TTN: variants seen among roughly 807,000 people sequenced by gnomAD.
TTN encodes connectin.
Under a neutral mutation model 3,223.0 loss-of-function variants are expected in TTN, and 1,525 were observed. The ratio of observed to expected loss-of-function variants is 0.47; its 90% CI spans 0.45 to 0.49. The LOEUF (loss-of-function observed/expected upper bound fraction) is 0.49, where lower values mean the gene tolerates loss of function less well. Among genes scored for constraint, TTN ranks in the 20% least tolerant of loss-of-function variants. TTN has a pLI of 0.00. For synonymous variants in TTN, 14,094 were observed against 15,161.0 expected (o/e 0.93, Z 5.17); for missense variants, 40,786 against 43,424.0 (o/e 0.94, Z 5.40).
intron 47 of TTN, chr2:178,750,652 A>G: frequency 6.2e-7 from 1 of 1,612,810 alleles, no homozygotes; most frequent in African/African-American, 1.3e-5. Flanking sequence ...TGAATTCATC[A>G]ATTCGTGTAG....
intron 47 of TTN, chr2:178,751,621 T>A (rs745971608): frequency 2.5e-6 from 4 of 1,613,392 alleles, no homozygotes; most frequent in Non-Finnish European, 3.4e-6. Context: ...CAAGCAATGA[T>A]GCAGTTGATT....
At position 178,757,643 on chromosome 2, in the gene TTN, A is replaced by T. The variant is rs727503677; in HGVS notation, c.10577T>A (p.Ile3526Lys). The change falls in exon 45 of 363, where the codon ATA (isoleucine) becomes AAA (lysine). Residue 3526 changes from isoleucine to lysine, a missense_variant. Ile to Lys is a moderately radical substitution (Grantham distance 102). Coordinates refer to ENST00000589042, the MANE Select transcript of TTN (RefSeq NM_001267550.2). The part of the protein sequence containing the change: ...EESTGMALML[I>K]VDAYSEHAGQ... ...AGCATGCTCTGAGTAAGCATCAACTATAAGCATTAAAGCCATGCCTGTGGA... is the reference window on the plus strand; with the variant it reads ...AGCATGCTCTGAGTAAGCATCAACTTTAAGCATTAAAGCCATGCCTGTGGA... The T allele has an allele frequency of 6.2e-7, 1 of 1,613,828 alleles. No individual in the cohort carries two copies. Among genetic ancestry groups the T allele is most frequent in the South Asian group, 1.1e-5 (1 of 91,074 alleles).
chr2:178,764,999 T>C (rs947295614), intron 41 of TTN, among the ~76,000 whole-genome samples, 188 bp from the exon 42 acceptor site: 37 of 152,192 alleles, frequency 2.4e-4, no homozygotes, highest in Non-Finnish European at 5.1e-4. Flanking sequence ...GCACTTGGAA[T>C]TTGTCCACAT....
In TTN at chr2:178,648,554, C is replaced by G. The variant is rs1033583545; in HGVS notation, c.40057+694G>C. 1.9e-4 allele frequency among the ~76,000 whole-genome samples: 29 copies of G among 152,178 alleles called. No homozygotes were observed. The East Asian group carries it at 3.7e-3, about 19-fold the overall frequency. ...CCTCCCAAGTAGCTGGGATTACAGG[C>G]ACATATCACCACCCCCAGCTAATTT... On this transcript the variant is annotated intron_variant, in intron 213 of 362. Coordinates refer to ENST00000589042, the MANE Select transcript of TTN (RefSeq NM_001267550.2).
intron 46 of TTN, among the ~76,000 whole-genome samples, chr2:178,754,801 G>GT (rs1463548064): frequency 1.3e-5 from 2 of 152,144 alleles, no homozygotes; most frequent in Non-Finnish European, 2.9e-5. Flanking sequence ...GTAGGCTACG[G>GT]TGACAGAATG....
At position 178,632,805 on chromosome 2, in the gene TTN, G is replaced by C. The variant is rs1281348608; in HGVS notation, c.43214-13C>G. 6.2e-7 allele frequency: 1 copy of C among 1,612,860 alleles called. No individual in the cohort carries two copies. The highest frequency in any genetic ancestry group is 8.5e-7 in the Non-Finnish European group (1 of 1,179,438). On this transcript the variant is annotated splice_polypyrimidine_tract_variant and intron_variant, in intron 234 of 362. Coordinates refer to ENST00000589042, the MANE Select transcript of TTN (RefSeq NM_001267550.2). ...ATAAGAGGCAATTCTGAAAGAAGTGGACAGTGGATGAAGTCAGAATACGTT... is the reference window on the plus strand; with the variant it reads ...ATAAGAGGCAATTCTGAAAGAAGTGCACAGTGGATGAAGTCAGAATACGTT...
At position 178,675,667 on chromosome 2, in the gene TTN, G is replaced by A. The variant is rs1459953347; in HGVS notation, c.34537+4C>T. On this transcript the variant is annotated splice_donor_region_variant and intron_variant, in intron 149 of 362. Transcript: ENST00000589042. The stretch of plus-strand genomic sequence containing the variant: ...AAACATATCCCTGTTATGGGATGAT[G>A]TACCTTTGGCAGGAGGGGCCACTGC... 2 of 1,414,202 alleles carry A rather than the reference G, an allele frequency of 1.4e-6. No homozygotes were observed. The highest frequency in any genetic ancestry group is 1.7e-5 in the South Asian group (1 of 58,452). The allele number at this position is 1,414,202 out of a possible 1,614,324, so 87.6% of individuals were successfully genotyped here. A position where few individuals can be genotyped will look rare whatever the true frequency, so the allele number is the denominator to read the frequency against.
chr2:178,649,458 C>T, intron 212 of TTN, 96 bp downstream of exon 212: 2 of 1,386,170 alleles, frequency 1.4e-6, no homozygotes, highest in Non-Finnish European at 1.9e-6. Context: ...AATTTTTGTC[C>T]TTAGTTATGC....
chr2:178,653,435 G>A lies in TTN; in HGVS notation c.38699C>T (p.Pro12900Leu), dbSNP rs749512171. 5.1e-6 allele frequency: 8 copies of A among 1,583,996 alleles called. No individual in the cohort carries two copies. The highest frequency in any genetic ancestry group is 6.0e-6 in the Non-Finnish European group (7 of 1,172,584). ...GGTCAAATGACAAGTACCTGTAACA[G>A]GTGGAACTTCTGGCTTTTTAGGAAG... is the stretch of plus-strand genomic sequence containing the variant. The part of the protein sequence containing the change: ...LVLPKKPEVP[P>L]VTVPEAPKEV... The change falls in exon 197 of 363, where the codon CCT (proline) becomes CTT (leucine). Residue 12900 changes from proline (P) to leucine (L), a missense_variant. By Grantham distance (98) the Pro-to-Leu change is moderately conservative. Transcript: ENST00000589042.
rs1372930722 is a variant in TTN at position 178,610,140 on chromosome 2, C to T, written c.51386G>A (p.Gly17129Glu). 3.1e-6 allele frequency: 5 copies of T among 1,612,822 alleles called. No individual in the cohort carries two copies. Among genetic ancestry groups the T allele is most frequent in the East Asian group, 2.2e-5 (1 of 44,692 alleles). Residue 17129 changes from glycine (G) to glutamate (E), a missense_variant, in exon 271 of 363, where the codon GGA becomes GAA. Coordinates refer to ENST00000589042, the MANE Select transcript of TTN (RefSeq NM_001267550.2). The stretch of plus-strand genomic sequence containing the variant: ...ATTTTTCAGTTCAATATATTCTCCT[C>T]CACCAACCTTGTTGACTGCTTTAAC... ...FRVKAVNKVG[G>E]GEYIELKNPV...
intron 99 of TTN, among the ~76,000 whole-genome samples, chr2:178,708,467 T>G (rs2076191732): frequency 6.6e-6 from 1 of 152,190 alleles, no homozygotes; most frequent in South Asian, 2.1e-4. Flanking sequence ...AATGATTTTG[T>G]TCAATGGTTC....
In TTN at chr2:178,793,424, T is replaced by C; in HGVS notation, c.1516A>G (p.Met506Val). 6.2e-7 allele frequency: 1 copy of C among 1,614,188 alleles called. No homozygotes were observed. Among genetic ancestry groups the C allele is most frequent in the Non-Finnish European group, 8.5e-7 (1 of 1,180,002 alleles). Residue 506 changes from methionine (M) to valine (V), a missense_variant, in exon 9 of 363, where the codon ATG becomes GTG. Coordinates refer to ENST00000589042, the MANE Select transcript of TTN (RefSeq NM_001267550.2). The stretch of plus-strand genomic sequence containing the variant: ...TTCACCTGCTCATGAGTTACGTGCA[T>C]CTGCTCTTGCTTTGTGGTAATTACT... ...KEVITTKQEQ[M>V]HVTHEQIRKE...
At position 178,784,208 on chromosome 2, in the gene TTN, T is replaced by C; in HGVS notation, c.2637A>G (p.Pro879=). 6.2e-7 allele frequency: 1 copy of C among 1,614,188 alleles called. No homozygotes were observed. The highest frequency in any genetic ancestry group is 8.5e-7 in the Non-Finnish European group (1 of 1,180,008). Residue 879 remains proline, a synonymous_variant, in exon 16 of 363, where the codon CCA becomes CCG. Coordinates refer to ENST00000589042, the MANE Select transcript of TTN (RefSeq NM_001267550.2). ...TRVRAEPTPL[P]QFPFADTPDT... is the part of the protein sequence containing the mutation. ...CTGGTGTGTCAGCGAAGGGGAACTG[T>C]GGCAAGGGTGTGGGCTCTGCCCTTA... is the stretch of plus-strand genomic sequence containing the variant.
rs1060500587 is a variant in TTN, at chr2:178,534,247, A to C, written c.102368T>G (p.Val34123Gly). Residue 34123 changes from valine to glycine, a missense_variant, in exon 358 of 363, where the codon GTG (valine) becomes GGG (glycine). Physicochemically the swap from Val to Gly is moderately radical, Grantham distance 109. Coordinates refer to ENST00000589042, the MANE Select transcript of TTN (RefSeq NM_001267550.2). Reference protein sequence around the residue: ...CGGAIRSQKGVSVAKVKVASI... With the variant: ...CGGAIRSQKGGSVAKVKVASI... ...TGCCACTTTAACTTTAGCAACACTCACTCCCTTCTGAGATCGAATTGCACC... is the reference window on the plus strand; with the variant it reads ...TGCCACTTTAACTTTAGCAACACTCCCTCCCTTCTGAGATCGAATTGCACC... The C allele has an allele frequency of 1.9e-6, 3 of 1,613,400 alleles. No homozygotes were observed. In the African/African-American group the frequency reaches 4.0e-5, roughly 22 times the overall value.
At chr2:178,786,244 G>T (rs983958546) in intron 13 of TTN, 103 bp from the exon 14 acceptor site, 66 of 1,191,860 alleles carry the variant, frequency 5.5e-5, no homozygotes, top group Non-Finnish European at 7.7e-5. Context: ...TTATACAGCA[G>T]TGTTAACGTG....
At position 178,546,289 on chromosome 2, in the gene TTN, CT is replaced by C. The variant is rs1559147115; in HGVS notation, c.95041del (p.Ser31681ValfsTer8). 6.2e-7 allele frequency: 1 copy of C among 1,613,866 alleles called. No individual in the cohort carries two copies. Among genetic ancestry groups the C allele is most frequent in the African/African-American group, 1.3e-5 (1 of 75,050 alleles). On this transcript the variant is annotated frameshift_variant, in exon 342 of 363. Transcript: ENST00000589042. LOFTEE classifies it high-confidence loss of function. ...TGTTAAAGTGTATTTTCCACTGTCA[CT>C]TCTGTCACAGAACTTGATCACAGCA... Reference protein sequence around the residue: ...ATAVIKFCDRSDSGKYTLTVK... With the variant: ...ATAVIKFCDRXDSGKYTLTVK...
Position 178,583,802 on chromosome 2 carries a change from C to G in TTN, c.65380G>C (p.Val21794Leu), listed in dbSNP as rs373848128. Residue 21794 changes from valine to leucine, a missense_variant, in exon 312 of 363, where the codon GTA (valine) becomes CTA (leucine). Transcript: ENST00000589042. ...TCACCAGGAAGTTTGCAAGCTTCTACGAAATAGCCAATAATTTTACTGCCT... is the reference window on the plus strand; with the variant it reads ...TCACCAGGAAGTTTGCAAGCTTCTAGGAAATAGCCAATAATTTTACTGCCT... ...DGGSKIIGYF[V>L]EACKLPGDKW... 1 of 1,609,968 alleles carries G rather than the reference C, an allele frequency of 6.2e-7. No individual in the cohort carries two copies. Among genetic ancestry groups the G allele is most frequent in the Non-Finnish European group, 8.5e-7 (1 of 1,178,022 alleles).
rs571605213 is a variant in TTN, at chr2:178,550,023, A to C, written c.91815T>G (p.Ser30605=). 6.1e-5 allele frequency: 99 copies of C among 1,611,304 alleles called. No individual in the cohort carries two copies. The South Asian group carries it at 1.1e-3, about 18-fold the overall frequency. ...GVYTVEAKNA[S]GSAKAEIKVK... is the part of the protein sequence containing the mutation. ...CTTTAATTTCTGCTTTTGCAGAACC[A>C]GATGCATTTTTGGCTTCCACTGTGT... The change falls in exon 337 of 363, where the codon TCT becomes TCG. Residue 30605 remains serine (S), a synonymous_variant. Transcript: ENST00000589042.
chr2:178,753,670 GAAACA>G (rs2086190573), intron 46 of TTN: 1 of 157,186 alleles, frequency 6.4e-6, no homozygotes, highest in South Asian at 1.9e-4. Flanking sequence ...TACATATTAA[GAAACA>G]AAACAAAGAC....
Sources: allele counts gnomAD v4.1 joint callset (sites outside exome capture counted in the v4.1 genomes callset), GRCh38; gene constraint gnomAD v4.1.1; transcripts MANE v1.5; gene names NCBI Gene and HGNC (gene_info 2026-07-23, HGNC 2026-07-21).